Variants in PANK1 observed in about 807,000 individuals in gnomAD.
PANK1 encodes the protein pantothenic acid kinase 1.
PANK1 carries 18 observed loss-of-function variants against 40.1 expected under a neutral mutation model. That is an observed-to-expected ratio of 0.45 (90% CI 0.31 to 0.67). PANK1 has a LOEUF of 0.67. Among genes scored for constraint, PANK1 ranks in the 30% least tolerant of loss-of-function variants. PANK1 has a pLI of 0.06. For missense variants in PANK1, 457 were observed against 599.6 expected (o/e 0.76, Z 2.48); for synonymous variants, 242 against 237.7 (o/e 1.02, Z -0.17).
chr10:89,645,127 G>GCCCCGGGCGCGGAATCGGGGAT lies in PANK1; in HGVS notation c.-258_-237dup, dbSNP rs1842079424. On this transcript the variant is annotated 5_prime_UTR_variant, in exon 1 of 7. Coordinates refer to ENST00000307534, the MANE Select transcript of PANK1 (RefSeq NM_148977.3). ...CACGGCGCCGGCCTGGAGCACGCCA[G>GCCCCGGGCGCGGAATCGGGGAT]CCCCGGGCGCGGAATCGGGGATCCC... The GCCCCGGGCGCGGAATCGGGGAT allele has an allele frequency of 6.0e-6, 9 of 1,506,298 alleles. No homozygotes were observed. The highest frequency in any genetic ancestry group is 8.0e-6 in the Non-Finnish European group (9 of 1,130,898). 93.3% of individuals were successfully genotyped at this position (1,506,298 alleles called of 1,614,324 possible). A position where few individuals can be genotyped will look rare whatever the true frequency, so the allele number is the denominator to read the frequency against.
chr10:89,622,700 G>A (rs768262195), intron 1 of PANK1, among the ~76,000 whole-genome samples: 9 of 152,088 alleles, frequency 5.9e-5, no homozygotes, highest in Non-Finnish European at 1.3e-4. Flanking sequence ...TGCCGGGCAT[G>A]GTGGCTGGTG....
At chr10:89,585,748 T>G (rs1173804558) in intron 6 of PANK1, among the ~76,000 whole-genome samples, 1 of 152,136 alleles carries the variant, frequency 6.6e-6, no homozygotes, top group Non-Finnish European at 1.5e-5. Context: ...TTCAGTAACA[T>G]TAGTTGAATG....
At chr10:89,612,707 T>C (rs956774100) in intron 1 of PANK1, among the ~76,000 whole-genome samples, 2 of 152,238 alleles carry the variant, frequency 1.3e-5, no homozygotes, top group East Asian at 3.8e-4. Flanking sequence ...GCATTATATC[T>C]AATTTATTTC....
chr10:89,594,555 T>C (rs1454065239), intron 3 of PANK1, among the ~76,000 whole-genome samples: 2 of 152,198 alleles, frequency 1.3e-5, no homozygotes, highest in East Asian at 1.9e-4. Flanking sequence ...GCAGAGATAA[T>C]CTCATTTAGC....
At chr10:89,631,936 CTT>C (rs1335614125) in intron 1 of PANK1, among the ~76,000 whole-genome samples, 4 of 147,552 alleles carry the variant, frequency 2.7e-5, no homozygotes, top group Non-Finnish European at 4.5e-5. Flanking sequence ...ACACTGCTAA[CTT>C]TTACAGCAAA....
At chr10:89,622,031 A>G (rs1845502272) in intron 1 of PANK1, among the ~76,000 whole-genome samples, 1 of 152,200 alleles carries the variant, frequency 6.6e-6, no homozygotes, top group African/African-American at 2.4e-5. Context: ...TAGTCTTTAA[A>G]TGGAGGTAGA....
rs145064295 is a variant in PANK1 at position 89,602,474 on chromosome 10, G to T, written c.646-2969C>A. On this transcript the variant is annotated intron_variant, in intron 2 of 6. Coordinates refer to ENST00000307534, the MANE Select transcript of PANK1 (RefSeq NM_148977.3). Reference sequence around the variant, plus strand: ...TTCACCATCTGGGAAAAATGACAGGGTCCCAAATGCAGGCAGTGAGTCATA... The same window carrying T: ...TTCACCATCTGGGAAAAATGACAGGTTCCCAAATGCAGGCAGTGAGTCATA... Among the ~76,000 whole-genome samples the T allele has an allele frequency of 7.4e-3, 1,123 of 151,610 alleles. 13 individuals carry two copies. The highest frequency in any genetic ancestry group is 0.026 in the African/African-American group (1,073 of 41,252).
chr10:89,615,339 G>A (rs1367943129), intron 1 of PANK1, among the ~76,000 whole-genome samples: 1 of 152,196 alleles, frequency 6.6e-6, no homozygotes, highest in Non-Finnish European at 1.5e-5. Context: ...GTGGTTGGAT[G>A]TTGGTAAATA....
At chr10:89,612,780 G>T (rs1267259949) in intron 1 of PANK1, among the ~76,000 whole-genome samples, 1 of 152,178 alleles carries the variant, frequency 6.6e-6, no homozygotes, top group Non-Finnish European at 1.5e-5. Flanking sequence ...CAATCCGGCT[G>T]CCTTTTAGAA....
At chr10:89,620,101 G>A (rs1189304019) in intron 1 of PANK1, among the ~76,000 whole-genome samples, 3 of 152,120 alleles carry the variant, frequency 2.0e-5, no homozygotes, top group East Asian at 1.9e-4. Context: ...CGTCATCTTC[G>A]TAAACTGAGG....
chr10:89,640,186 A>C (rs1841930475), intron 1 of PANK1, among the ~76,000 whole-genome samples: 1 of 151,576 alleles, frequency 6.6e-6, no homozygotes, highest in Non-Finnish European at 1.5e-5. Flanking sequence ...ATACAGAACA[A>C]TGGACACAGA....
chr10:89,644,915 G>A lies in PANK1; in HGVS notation c.-24C>T, dbSNP rs766474519. The A allele has an allele frequency of 3.9e-6, 6 of 1,538,886 alleles. No homozygotes were observed. Reference sequence around the variant, plus strand: ...ATGCCGGGGGCTGGCGGGGCTGTGCGCGGGCCCCGGCTCAGGCGGCCTCGC... The same window carrying A: ...ATGCCGGGGGCTGGCGGGGCTGTGCACGGGCCCCGGCTCAGGCGGCCTCGC... On this transcript the variant is annotated 5_prime_UTR_variant, in exon 1 of 7. Transcript: ENST00000307534.
At position 89,589,678 on chromosome 10, in the gene PANK1, C is replaced by A. The variant is rs185304667; in HGVS notation, c.1201-901G>T. Among the ~76,000 whole-genome samples the A allele has an allele frequency of 2.1e-3, 313 of 151,924 alleles. 2 individuals are homozygous for A. In the South Asian group the frequency reaches 0.025, roughly 12 times the overall value. On this transcript the variant is annotated intron_variant, in intron 5 of 6. Transcript: ENST00000307534. ...TGGGAACATCACCTTTTAACTGCCT[C>A]AAGTTTTAACAATGAATGTTCATTA...
intron 2 of PANK1, among the ~76,000 whole-genome samples, chr10:89,608,030 CT>C (rs33976210): frequency 3.3e-3 from 361 of 110,994 alleles, no homozygotes; most frequent in East Asian, 0.013. Flanking sequence ...TGATCCTAAA[CT>C]TTTTTTTTTT....
chr10:89,600,811 A>G (rs559204173), intron 2 of PANK1, among the ~76,000 whole-genome samples: 52 of 152,346 alleles, frequency 3.4e-4, no homozygotes, highest in African/African-American at 1.2e-3. Context: ...AAATCTAACA[A>G]TCACCAACAT....
chr10:89,620,166 T>C (rs986211528), intron 1 of PANK1, among the ~76,000 whole-genome samples: 3 of 152,216 alleles, frequency 2.0e-5, no homozygotes, highest in African/African-American at 7.2e-5. Flanking sequence ...AAATTGTTTA[T>C]AAAACATGTG....
chr10:89,607,045 T>G (rs1354676359), intron 2 of PANK1, among the ~76,000 whole-genome samples: 1 of 152,244 alleles, frequency 6.6e-6, no homozygotes, highest in African/African-American at 2.4e-5. Context: ...CTTCAAGAAC[T>G]TTTCCTTTGC....
rs1380365587 is a variant in PANK1 at position 89,584,325 on chromosome 10, C to T, written c.*81G>A. On this transcript the variant is annotated 3_prime_UTR_variant, in exon 7 of 7. Transcript: ENST00000307534. Reference sequence around the variant, plus strand: ...CTGCCATAATGGCTTGGCTTCCGTCCCAAAGCGACTTTCACCTTCTCCAGC... The same window carrying T: ...CTGCCATAATGGCTTGGCTTCCGTCTCAAAGCGACTTTCACCTTCTCCAGC... 1.1e-5 allele frequency: 10 copies of T among 888,038 alleles called. No individual in the cohort carries two copies. The allele number at this position is 888,038 out of a possible 1,614,324, so 55.0% of individuals were successfully genotyped here. A position where few individuals can be genotyped will look rare whatever the true frequency, so the allele number is the denominator to read the frequency against.
chr10:89,613,563 G>C (rs1440600508), intron 1 of PANK1, among the ~76,000 whole-genome samples: 1 of 152,136 alleles, frequency 6.6e-6, no homozygotes, highest in Non-Finnish European at 1.5e-5. Context: ...TGTTGAGCAG[G>C]AACTCTAGCA....
Sources: gnomAD v4.1 joint callset for allele counts (sites outside exome capture counted in the v4.1 genomes callset) on GRCh38, gnomAD v4.1.1 for gene constraint, MANE v1.5 for transcripts, NCBI Gene and HGNC (gene_info 2026-07-23, HGNC 2026-07-21) for gene names.